The following CNTN5 variants were observed in gnomAD, a reference collection of about 807,000 sequenced individuals.
CNTN5 encodes the protein contactin-5.
Under a neutral mutation model 129.1 loss-of-function variants are expected in CNTN5, and 77 were observed. The observed-to-expected ratio is 0.60, with a 90% CI of 0.50 to 0.72. The LOEUF (loss-of-function observed/expected upper bound fraction) is 0.72, where lower values mean the gene tolerates loss of function less well. Among genes scored for constraint, CNTN5 ranks in the 30% least tolerant of loss-of-function variants. The pLI is 0.00. For missense variants in CNTN5, 1,478 were observed against 1,328.8 expected (o/e 1.11, Z -1.75); for synonymous variants, 509 against 465.6 (o/e 1.09, Z -1.20).
chr11:99,726,880 T>A (rs1425112220), intron 3 of CNTN5, among the ~76,000 whole-genome samples: 1 of 152,154 alleles, frequency 6.6e-6, no homozygotes, highest in Non-Finnish European at 1.5e-5. Context: ...TCCTGTAAAT[T>A]CTATCCTTAA....
At chr11:99,435,167 C>T (rs1327725442) in intron 2 of CNTN5, among the ~76,000 whole-genome samples, 2 of 151,966 alleles carry the variant, frequency 1.3e-5, no homozygotes, top group Admixed American at 6.6e-5. Flanking sequence ...CAAATATATT[C>T]TTCTTTTCAT....
intron 13 of CNTN5, among the ~76,000 whole-genome samples, chr11:100,137,829 A>G (rs1303308035): frequency 6.6e-6 from 1 of 152,172 alleles, no homozygotes; most frequent in African/African-American, 2.4e-5. Flanking sequence ...GGGAGCAAAG[A>G]GAGTAAAGCA....
chr11:99,182,920 C>T (rs914649779), intron 1 of CNTN5, among the ~76,000 whole-genome samples: 1 of 150,994 alleles, frequency 6.6e-6, no homozygotes, highest in Non-Finnish European at 1.5e-5. Flanking sequence ...TAGTAGATAG[C>T]ATTAAAATAA....
intron 3 of CNTN5, among the ~76,000 whole-genome samples, chr11:99,701,611 A>C (rs1954523211): frequency 6.6e-6 from 1 of 151,212 alleles, no homozygotes; most frequent in African/African-American, 2.4e-5. Context: ...ATTCTGTTTA[A>C]AAAATGAAGT....
chr11:99,837,545 T>C (rs1947344605), intron 4 of CNTN5, among the ~76,000 whole-genome samples: 1 of 152,064 alleles, frequency 6.6e-6, no homozygotes. Context: ...TCTAGTCCTG[T>C]ATTTTACATA....
chr11:100,206,792 G>A (rs1379097197), intron 15 of CNTN5, among the ~76,000 whole-genome samples: 1 of 151,926 alleles, frequency 6.6e-6, no homozygotes, highest in Non-Finnish European at 1.5e-5. Context: ...AATTTTTTTA[G>A]GACAGGGATT....
Position 99,990,455 on chromosome 11 carries a change from T to TACACACAC in CNTN5, c.878-11557_878-11550dup, listed in dbSNP as rs57175307. On this transcript the variant is annotated intron_variant, in intron 8 of 24. Transcript: ENST00000524871. ...CCCTTATTTTTAGAATATATATATATACACACACACACACACACACACACA... is the reference window on the plus strand; with the variant it reads ...CCCTTATTTTTAGAATATATATATATACACACACACACACACACACACACACACACACA... Among the ~76,000 whole-genome samples, 1,319 of 145,164 alleles carry TACACACAC rather than the reference T, an allele frequency of 9.1e-3. 22 individuals are homozygous for TACACACAC. Among genetic ancestry groups the TACACACAC allele is most frequent in the African/African-American group, 0.032 (1,234 of 38,880 alleles).
At chr11:99,123,558 A>G (rs1858464541) in intron 1 of CNTN5, among the ~76,000 whole-genome samples, 1 of 150,476 alleles carries the variant, frequency 6.6e-6, no homozygotes, top group African/African-American at 2.4e-5. Context: ...ATAATTGCCA[A>G]TTTTTCTTTT....
At chr11:99,522,514 A>C (rs1189577667) in intron 2 of CNTN5, among the ~76,000 whole-genome samples, 1 of 152,126 alleles carries the variant, frequency 6.6e-6, no homozygotes, top group Non-Finnish European at 1.5e-5. Context: ...TACTACAGAA[A>C]ATTTAAAGAA....
intron 21 of CNTN5, among the ~76,000 whole-genome samples, chr11:100,331,788 G>A (rs1174733124): frequency 6.6e-6 from 1 of 152,044 alleles, no homozygotes; most frequent in African/African-American, 2.4e-5. Context: ...TGAACTAAAT[G>A]ATAGTAGTGA....
intron 6 of CNTN5, among the ~76,000 whole-genome samples, chr11:99,854,134 A>C (rs1947960147): frequency 1.3e-5 from 2 of 152,172 alleles, no homozygotes; most frequent in Non-Finnish European, 2.9e-5. Context: ...AAATCAGTAC[A>C]AACCATTCTA....
chr11:100,342,152 G>GACACAGACACAC (rs149973364), intron 23 of CNTN5, among the ~76,000 whole-genome samples: 169 of 147,004 alleles, frequency 1.1e-3, no homozygotes, highest in African/African-American at 4.0e-3. Context: ...ATAGATCACA[G>GACACAGACACAC]ACACACACAC....
intron 1 of CNTN5, among the ~76,000 whole-genome samples, chr11:99,066,137 T>C (rs906914173): frequency 2.1e-4 from 32 of 152,190 alleles, no homozygotes; most frequent in African/African-American, 7.5e-4. Flanking sequence ...AGAGTCTTCC[T>C]CTGTCGCCCA....
intron 7 of CNTN5, among the ~76,000 whole-genome samples, chr11:99,955,853 C>T (rs1177993015): frequency 1.3e-5 from 2 of 152,118 alleles, no homozygotes; most frequent in Admixed American, 6.5e-5. Context: ...CGTTAGCCCC[C>T]GTGTGCAGCC....
At chr11:99,180,972 A>T (rs1858026369) in intron 1 of CNTN5, among the ~76,000 whole-genome samples, 1 of 152,224 alleles carries the variant, frequency 6.6e-6, no homozygotes, top group Admixed American at 6.5e-5. Flanking sequence ...AGCTGAGCAA[A>T]TTCATCTTAT....
chr11:99,134,938 A>G (rs1430153978), intron 1 of CNTN5, among the ~76,000 whole-genome samples: 1 of 152,200 alleles, frequency 6.6e-6, no homozygotes, highest in Admixed American at 6.5e-5. Context: ...ACTCTAAAAG[A>G]TAATAATCTC....
chr11:100,289,117 AT>A (rs756200719), intron 18 of CNTN5, among the ~76,000 whole-genome samples: 1 of 152,140 alleles, frequency 6.6e-6, no homozygotes, highest in Non-Finnish European at 1.5e-5. Context: ...GCAATAATCA[AT>A]AGTTTACCAA....
chr11:99,857,947 T>G (rs1948090315), intron 6 of CNTN5, among the ~76,000 whole-genome samples: 3 of 152,154 alleles, frequency 2.0e-5, no homozygotes, highest in Non-Finnish European at 4.4e-5. Flanking sequence ...CGTGTTAAGT[T>G]TTTTGAAAAT....
At chr11:99,198,617 G>T (rs542129522) in intron 1 of CNTN5, among the ~76,000 whole-genome samples, 12 of 152,108 alleles carry the variant, frequency 7.9e-5, no homozygotes, top group African/African-American at 2.9e-4. Flanking sequence ...TAATCACAAA[G>T]CTTATAATGA....
Sources: gnomAD v4.1 joint callset for allele counts (sites outside exome capture counted in the v4.1 genomes callset) on GRCh38, gnomAD v4.1.1 for gene constraint, MANE v1.5 for transcripts, NCBI Gene and HGNC (gene_info 2026-07-23, HGNC 2026-07-21) for gene names.